Variants in ARFGEF3 observed in about 807,000 individuals in gnomAD.
ARFGEF3 encodes the protein ARFGEF family member 3, also known as brefeldin A-inhibited guanine nucleotide-exchange protein 3.
Under a neutral mutation model 221.7 loss-of-function variants are expected in ARFGEF3, and 96 were observed. That is an observed-to-expected ratio of 0.43 (90% CI 0.37 to 0.51). The LOEUF (loss-of-function observed/expected upper bound fraction) is 0.51, where lower values mean the gene tolerates loss of function less well. Among genes scored for constraint, ARFGEF3 ranks in the 20% least tolerant of loss-of-function variants. The pLI, the probability that ARFGEF3 is intolerant of heterozygous loss-of-function variation, is 0.00. For missense variants in ARFGEF3, 2,410 were observed against 2,789.9 expected (o/e 0.86, Z 3.07); for synonymous variants, 1,145 against 1,126.8 (o/e 1.02, Z -0.32).
At chr6:138,180,335 A>G (rs1356039547) in intron 2 of ARFGEF3, among the ~76,000 whole-genome samples, 1 of 152,174 alleles carries the variant, frequency 6.6e-6, no homozygotes. Context: ...GCTGGTGTAG[A>G]ATTTGCAGTT....
chr6:138,310,665 T>C (rs1022680503), intron 24 of ARFGEF3, among the ~76,000 whole-genome samples: 3 of 152,190 alleles, frequency 2.0e-5, no homozygotes, highest in Non-Finnish European at 4.4e-5. Flanking sequence ...TTGTAGACAA[T>C]TAGAAACAAT....
chr6:138,199,139 C>T (rs768663640), intron 2 of ARFGEF3, among the ~76,000 whole-genome samples: 7 of 152,168 alleles, frequency 4.6e-5, no homozygotes, highest in African/African-American at 1.7e-4. Context: ...CATTTGCAAA[C>T]GTATGACCTT....
intron 26 of ARFGEF3, among the ~76,000 whole-genome samples, chr6:138,315,849 CA>C (rs11374649): frequency 4.7e-4 from 65 of 137,768 alleles, no homozygotes; most frequent in Middle Eastern, 3.9e-3. Flanking sequence ...GACTGCATCT[CA>C]AAAAAAAAAA....
intron 21 of ARFGEF3, among the ~76,000 whole-genome samples, 188 bp downstream of exon 21, chr6:138,297,143 CA>C (rs1779539989): frequency 6.6e-6 from 1 of 152,186 alleles, no homozygotes; most frequent in African/African-American, 2.4e-5. Flanking sequence ...AGAATCACCC[CA>C]AAGGGCAGTA....
At chr6:138,245,447 A>C (rs1778467634) in intron 7 of ARFGEF3, 66 bp from the exon 8 acceptor site, 2 of 1,085,770 alleles carry the variant, frequency 1.8e-6, no homozygotes, top group Non-Finnish European at 2.8e-6. Flanking sequence ...GATGGGAAGG[A>C]TGGTTCAGGG....
chr6:138,246,328 C>T (rs1043773464), intron 8 of ARFGEF3, among the ~76,000 whole-genome samples: 8 of 152,184 alleles, frequency 5.3e-5, no homozygotes, highest in African/African-American at 1.9e-4. Flanking sequence ...TCATGAAAGA[C>T]ATTAAACTAT....
At chr6:138,220,150 G>A (rs1042603694) in intron 4 of ARFGEF3, among the ~76,000 whole-genome samples, 3 of 151,982 alleles carry the variant, frequency 2.0e-5, no homozygotes, top group East Asian at 1.9e-4. Flanking sequence ...TACTGGGTGC[G>A]CCACTATGCT....
At position 138,313,949 on chromosome 6, in the gene ARFGEF3, T is replaced by C. The variant is rs765558652; in HGVS notation, c.4345+10T>C. 3.7e-6 allele frequency: 6 copies of C among 1,613,252 alleles called. No individual in the cohort carries two copies. The highest frequency in any genetic ancestry group is 3.3e-5 in the Admixed American group (2 of 59,946). On this transcript the variant is annotated intron_variant, in intron 26 of 33. Transcript: ENST00000251691. ...TTTGATGATGACACCGGTAAGCTAA[T>C]TGATTGGACTAAACTAGGTTATTTG...
chr6:138,249,946 C>T (rs182088792), intron 8 of ARFGEF3, among the ~76,000 whole-genome samples: 45 of 152,194 alleles, frequency 3.0e-4, no homozygotes, highest in African/African-American at 8.7e-4. Flanking sequence ...AAGATAGTCC[C>T]GTGCACCAGC....
At chr6:138,323,818 C>A (rs1414666135) in intron 30 of ARFGEF3, 45 bp downstream of exon 30, 1 of 1,592,404 alleles carries the variant, frequency 6.3e-7, no homozygotes, top group African/African-American at 1.3e-5. Flanking sequence ...TTCTAACCAT[C>A]TTTAGCTCCT....
intron 2 of ARFGEF3, among the ~76,000 whole-genome samples, chr6:138,176,837 A>G (rs1173594500): frequency 6.6e-6 from 1 of 152,118 alleles, no homozygotes; most frequent in Non-Finnish European, 1.5e-5. Flanking sequence ...TGTCTGGGAA[A>G]GAATTTATTT....
At chr6:138,177,057 CTTTA>C (rs3044801) in intron 2 of ARFGEF3, among the ~76,000 whole-genome samples, 6,745 of 146,146 alleles carry the variant, frequency 0.046, 257 homozygotes, top group African/African-American at 0.1. Context: ...TTCACTTTTA[CTTTA>C]TTTATTTATT....
At chr6:138,222,963 T>G (rs1778007884) in intron 4 of ARFGEF3, among the ~76,000 whole-genome samples, 1 of 152,244 alleles carries the variant, frequency 6.6e-6, no homozygotes, top group Non-Finnish European at 1.5e-5. Context: ...TGAAAATTCC[T>G]TGTTTACTCT....
intron 21 of ARFGEF3, among the ~76,000 whole-genome samples, chr6:138,298,207 C>T (rs1291241587): frequency 6.6e-6 from 1 of 152,118 alleles, no homozygotes; most frequent in African/African-American, 2.4e-5. Context: ...TTGTCCCTCA[C>T]CTCACTGAGG....
intron 29 of ARFGEF3, 28 bp from the exon 30 acceptor site, chr6:138,323,643 A>C: frequency 6.3e-7 from 1 of 1,596,834 alleles, no homozygotes; most frequent in Middle Eastern, 1.7e-4. Context: ...AACAAAAAAA[A>C]AACTCCTTTA....
At chr6:138,237,557 A>G (rs1225882222) in intron 5 of ARFGEF3, among the ~76,000 whole-genome samples, 1 of 152,182 alleles carries the variant, frequency 6.6e-6, no homozygotes, top group Non-Finnish European at 1.5e-5. Flanking sequence ...AGCCACCACC[A>G]GGTCTTTTTA....
intron 22 of ARFGEF3, among the ~76,000 whole-genome samples, chr6:138,305,527 C>G (rs1465552399): frequency 6.6e-6 from 1 of 150,390 alleles, no homozygotes; most frequent in Non-Finnish European, 1.5e-5. Context: ...GGGAAGATTC[C>G]TTGAACCCAG....
At chr6:138,302,751 A>G (rs1779649473) in intron 22 of ARFGEF3, among the ~76,000 whole-genome samples, 1 of 152,214 alleles carries the variant, frequency 6.6e-6, no homozygotes, top group South Asian at 2.1e-4. Flanking sequence ...TGACATATTT[A>G]AAGTGCTGGA....
chr6:138,223,748 G>A lies in ARFGEF3; in HGVS notation c.352-6036G>A, dbSNP rs1365114654. On this transcript the variant is annotated intron_variant, in intron 4 of 33. Coordinates refer to ENST00000251691, the MANE Select transcript of ARFGEF3 (RefSeq NM_020340.5). ...TTTAATTTATTATATGTGTTATAAC[G>A]TGAAATTTAGAGTTCCATGAAAGGA... 5.9e-5 allele frequency among the ~76,000 whole-genome samples: 9 copies of A among 152,158 alleles called. No homozygotes were observed. In the East Asian group the frequency reaches 9.6e-4, roughly 16 times the overall value.
Sources: allele counts gnomAD v4.1 joint callset (sites outside exome capture counted in the v4.1 genomes callset), GRCh38; gene constraint gnomAD v4.1.1; transcripts MANE v1.5; gene names NCBI Gene and HGNC (gene_info 2026-07-23, HGNC 2026-07-21).